AGBL3: variants seen among roughly 807,000 people sequenced by gnomAD.
AGBL3 encodes the protein AGBL carboxypeptidase 3.
A neutral mutation model predicts 94.5 loss-of-function variants in AGBL3; 68 were observed. That is an observed-to-expected ratio of 0.72 (90% CI 0.59 to 0.88). The LOEUF (loss-of-function observed/expected upper bound fraction) is 0.88. AGBL3 is among the 40% of genes least tolerant of loss of function. The pLI is 0.00. For missense variants in AGBL3, 934 were observed against 1,103.8 expected, an observed-to-expected ratio of 0.85 and a Z score of 2.18; for synonymous variants, 354 against 370.7, an observed-to-expected ratio of 0.95 and a Z score of 0.52.
chr7:135,074,078 C>T (rs935107737), intron 12 of AGBL3, among the ~76,000 whole-genome samples: 11 of 152,042 alleles, frequency 7.2e-5, no homozygotes, highest in Non-Finnish European at 1.3e-4. Flanking sequence ...ATTCTCATCA[C>T]GAAAAGCAAA....
intron 15 of AGBL3, among the ~76,000 whole-genome samples, chr7:135,098,733 T>G (rs1166785792): frequency 1.3e-5 from 2 of 152,180 alleles, no homozygotes; most frequent in East Asian, 3.8e-4. Flanking sequence ...TGCAGGCAGT[T>G]CAGAGAAGTA....
At chr7:135,066,710 A>C (rs1185186949) in intron 12 of AGBL3, among the ~76,000 whole-genome samples, 1 of 152,240 alleles carries the variant, frequency 6.6e-6, no homozygotes, top group African/African-American at 2.4e-5. Flanking sequence ...ATGCAGAAAC[A>C]AGTGTCTATC....
chr7:134,997,651 T>C (rs1191736653), intron 4 of AGBL3, among the ~76,000 whole-genome samples: 1 of 152,186 alleles, frequency 6.6e-6, no homozygotes, highest in Admixed American at 6.5e-5. Flanking sequence ...AAATCAATTG[T>C]TAGCATAAAC....
intron 4 of AGBL3, among the ~76,000 whole-genome samples, chr7:135,014,883 G>GT (rs1813584961): frequency 6.6e-6 from 1 of 152,198 alleles, no homozygotes; most frequent in Non-Finnish European, 1.5e-5. Flanking sequence ...AGAATGCAGT[G>GT]TTTTTTCACA....
At chr7:135,045,684 G>A (rs1817290063) in intron 10 of AGBL3, 110 bp downstream of exon 10, 6 of 1,322,048 alleles carry the variant, frequency 4.5e-6, no homozygotes, top group Non-Finnish European at 5.3e-6. Context: ...GTGTTGTTGG[G>A]GTTTTAGCAC....
rs1816106163 is a variant in AGBL3 at position 135,034,539 on chromosome 7, T to C, written c.948T>C (p.Asp316=). 6.4e-7 allele frequency: 1 copy of C among 1,551,952 alleles called. No homozygotes were observed. Among genetic ancestry groups the C allele is most frequent in the Non-Finnish European group, 8.7e-7 (1 of 1,147,036 alleles). Residue 316 remains aspartate, a synonymous_variant, in exon 7 of 17, where the codon GAT becomes GAC. Transcript: ENST00000436302. ...LQEYLSGINN[D]PVRSKFCKIR... is the part of the protein sequence containing the mutation. Reference sequence around the variant, plus strand: ...AATACCTTTCTGGCATCAATAATGATCCAGTACGGTCAAAGTTTTGTAAAA... The same window carrying C: ...AATACCTTTCTGGCATCAATAATGACCCAGTACGGTCAAAGTTTTGTAAAA...
At chr7:135,113,634 C>T (rs1243779737) in intron 15 of AGBL3, among the ~76,000 whole-genome samples, 1 of 152,184 alleles carries the variant, frequency 6.6e-6, no homozygotes, top group Non-Finnish European at 1.5e-5. Flanking sequence ...CAGGGTTCCA[C>T]CCACTTCCCA....
chr7:135,135,060 T>C lies in AGBL3; in HGVS notation c.2562T>C (p.Pro854=). 1 of 1,551,196 alleles carries C rather than the reference T, an allele frequency of 6.4e-7. No homozygotes were observed. The highest frequency in any genetic ancestry group is 8.7e-7 in the Non-Finnish European group (1 of 1,146,656). Residue 854 remains proline (P), a synonymous_variant, in exon 17 of 17, where the codon CCT becomes CCC. Transcript: ENST00000436302. The part of the protein sequence containing the change: ...IWAIKNEDIK[P]LSSKWETASS... ...CCATAAAGAATGAAGACATAAAACC[T>C]CTCAGCAGCAAGTGGGAGACTGCTT...
intron 12 of AGBL3, among the ~76,000 whole-genome samples, chr7:135,073,441 A>G (rs1315816754): frequency 6.6e-6 from 1 of 152,046 alleles, no homozygotes; most frequent in Admixed American, 6.6e-5. Flanking sequence ...ACTGCACTCC[A>G]GCCCACGTGA....
intron 13 of AGBL3, 119 bp from the exon 14 acceptor site, chr7:135,080,084 G>A (rs1448038891): frequency 2.5e-6 from 2 of 802,570 alleles, no homozygotes; most frequent in Admixed American, 2.6e-5. Flanking sequence ...TTCTAAACCT[G>A]TAAGGATGAA....
chr7:135,120,870 C>T (rs1005179330), intron 16 of AGBL3, among the ~76,000 whole-genome samples: 2 of 152,084 alleles, frequency 1.3e-5, no homozygotes, highest in Non-Finnish European at 2.9e-5. Flanking sequence ...TTTAAAAGGT[C>T]AATCCACTAG....
chr7:135,131,678 G>A (rs972252647), intron 16 of AGBL3, among the ~76,000 whole-genome samples: 8 of 151,658 alleles, frequency 5.3e-5, no homozygotes, highest in African/African-American at 1.9e-4. Context: ...CTCAAAGCAA[G>A]CAGAAAGAAG....
At chr7:135,000,277 T>C (rs941959856) in intron 4 of AGBL3, among the ~76,000 whole-genome samples, 1 of 152,198 alleles carries the variant, frequency 6.6e-6, no homozygotes, top group African/African-American at 2.4e-5. Context: ...GGTAAAACAT[T>C]ATTTCTGGAT....
intron 15 of AGBL3, among the ~76,000 whole-genome samples, chr7:135,096,558 A>AAGATAGATAGAT (rs1167936702): frequency 0.056 from 4,445 of 79,698 alleles, 210 homozygotes; most frequent in Middle Eastern, 0.082. Context: ...GAAAGAAAGA[A>AAGATAGATAGAT]AGATAGATAG....
intron 16 of AGBL3, among the ~76,000 whole-genome samples, chr7:135,116,922 G>T (rs968146943): frequency 6.6e-6 from 1 of 152,164 alleles, no homozygotes; most frequent in Non-Finnish European, 1.5e-5. Flanking sequence ...TTTTCAGATT[G>T]CTGGCTTCTT....
chr7:134,988,570 T>G (rs2348048), intron 2 of AGBL3, among the ~76,000 whole-genome samples: 38,262 of 152,142 alleles, frequency 0.25, 4,907 homozygotes, highest in Middle Eastern at 0.36. Context: ...AATAAGCTCT[T>G]AAAGCTTACT....
chr7:135,085,842 G>A (rs890332832), intron 15 of AGBL3, among the ~76,000 whole-genome samples: 1 of 151,860 alleles, frequency 6.6e-6, no homozygotes, highest in African/African-American at 2.4e-5. Context: ...CCATGGTTCT[G>A]CACAAATTTT....
chr7:135,009,171 C>A (rs1339549604), intron 4 of AGBL3, among the ~76,000 whole-genome samples: 3 of 152,210 alleles, frequency 2.0e-5, no homozygotes, highest in Admixed American at 2.0e-4. Flanking sequence ...CAAAAACTTA[C>A]ATACAAACGT....
At chr7:135,105,857 C>T (rs534331196) in intron 15 of AGBL3, among the ~76,000 whole-genome samples, 1 of 152,292 alleles carries the variant, frequency 6.6e-6, no homozygotes, top group South Asian at 2.1e-4. Context: ...GACATTGATT[C>T]TTCTGACCCA....
Sources: allele counts gnomAD v4.1 joint callset (sites outside exome capture counted in the v4.1 genomes callset), GRCh38; gene constraint gnomAD v4.1.1; transcripts MANE v1.5; gene names NCBI Gene and HGNC (gene_info 2026-07-23, HGNC 2026-07-21).